Variants in BMAL2 observed in about 807,000 individuals in gnomAD.
BMAL2 encodes the protein basic helix-loop-helix ARNT like 2.
chr12:27,345,593 A>T, the BMAL2 span, among the ~76,000 whole-genome samples: 1 of 152,106 alleles, frequency 6.6e-6, no homozygotes, highest in African/African-American at 2.4e-5. Context: ...GGCTCAAGTG[A>T]TTCTCCTGCA....
chr12:27,373,057 T>C, the BMAL2 span, among the ~76,000 whole-genome samples: 1 of 152,030 alleles, frequency 6.6e-6, no homozygotes, highest in Non-Finnish European at 1.5e-5. Flanking sequence ...AGAATCACCC[T>C]GGAAACAGCA....
At chr12:27,381,585 G>A in the BMAL2 span, among the ~76,000 whole-genome samples, 1 of 152,102 alleles carries the variant, frequency 6.6e-6, no homozygotes, top group Non-Finnish European at 1.5e-5. Flanking sequence ...GCATGATCCA[G>A]TCACCTCCCA....
chr12:27,361,409 G>C, the BMAL2 span, among the ~76,000 whole-genome samples: 56 of 152,068 alleles, frequency 3.7e-4, no homozygotes, highest in Non-Finnish European at 6.8e-4. Flanking sequence ...TTGTAAAAAG[G>C]CAATCACGAT....
chr12:27,333,596 A>G, the BMAL2 span, among the ~76,000 whole-genome samples: 4 of 152,222 alleles, frequency 2.6e-5, no homozygotes, highest in African/African-American at 7.2e-5. Context: ...CTGAGCTGAT[A>G]ATACTCGCGG....
At chr12:27,345,591 T>G in the BMAL2 span, among the ~76,000 whole-genome samples, 1 of 152,186 alleles carries the variant, frequency 6.6e-6, no homozygotes, top group Non-Finnish European at 1.5e-5. Context: ...TGGGCTCAAG[T>G]GATTCTCCTG....
At chr12:27,410,268 T>G in the BMAL2 span, among the ~76,000 whole-genome samples, 114 of 152,334 alleles carry the variant, frequency 7.5e-4, 1 homozygote, top group East Asian at 0.02. Flanking sequence ...GGATTATAAA[T>G]TATGCTGCTT....
chr12:27,401,379 G>A, the BMAL2 span: 2 of 1,592,230 alleles, frequency 1.3e-6, no homozygotes, highest in Non-Finnish European at 1.7e-6. Flanking sequence ...TATGCATTGA[G>A]CAGAATACAT....
At chr12:27,423,397 T>G in the BMAL2 span, 2 of 150,554 alleles carry the variant, frequency 1.3e-5, no homozygotes, top group African/African-American at 4.9e-5. Flanking sequence ...TGGCGCGATC[T>G]TGGCTCACTG....
At chr12:27,376,414 A>G in the BMAL2 span, 3 of 1,609,924 alleles carry the variant, frequency 1.9e-6, no homozygotes, top group South Asian at 1.1e-5. Flanking sequence ...GAGATGGTAC[A>G]TGGTGAGTGG....
chr12:27,407,021 T>C, the BMAL2 span, among the ~76,000 whole-genome samples: 159 of 152,258 alleles, frequency 1.0e-3, no homozygotes, highest in African/African-American at 3.6e-3. Context: ...GGTAAAGGGA[T>C]CAATTCAACA....
At chr12:27,376,085 C>A in the BMAL2 span, among the ~76,000 whole-genome samples, 4 of 152,146 alleles carry the variant, frequency 2.6e-5, no homozygotes, top group African/African-American at 9.7e-5. Context: ...AAGTAGCACA[C>A]TAATTATTGT....
At chr12:27,368,123 A>G in the BMAL2 span, 47,336 of 905,340 alleles carry the variant, frequency 0.052, 817 homozygotes, top group Non-Finnish European at 0.06. Context: ...GATTACAGGC[A>G]TGAGCCACAG....
At chr12:27,404,789 G>A in the BMAL2 span, among the ~76,000 whole-genome samples, 18 of 152,168 alleles carry the variant, frequency 1.2e-4, no homozygotes, top group African/African-American at 2.4e-4. Context: ...AGCGTGAGCC[G>A]AAGCAGGGTG....
chr12:27,389,989 G>C, the BMAL2 span: 1 of 1,380,744 alleles, frequency 7.2e-7, no homozygotes, highest in Non-Finnish European at 1.0e-6. Flanking sequence ...TTAAAAAACT[G>C]TTTCCTTTCT....
the BMAL2 span, among the ~76,000 whole-genome samples, chr12:27,374,493 C>G: frequency 1.1e-4 from 17 of 152,150 alleles, no homozygotes; most frequent in Non-Finnish European, 2.4e-4. Flanking sequence ...GCAGAAGGCT[C>G]TGGAGCCAGT....
chr12:27,412,259 A>G, the BMAL2 span, among the ~76,000 whole-genome samples: 2 of 152,222 alleles, frequency 1.3e-5, no homozygotes, highest in East Asian at 1.9e-4. Flanking sequence ...GGGCATTTAT[A>G]TAAGGAGGCA....
chr12:27,387,253 TTGGA>T, the BMAL2 span: 1 of 1,612,400 alleles, frequency 6.2e-7, no homozygotes, highest in Non-Finnish European at 8.5e-7. Flanking sequence ...TTATTTGTGG[TTGGA>T]TGTGAAAGAG....
chr12:27,360,048 A>AT, the BMAL2 span, among the ~76,000 whole-genome samples: 3 of 78,664 alleles, frequency 3.8e-5, no homozygotes, highest in Admixed American at 1.8e-4. Flanking sequence ...GTGAGACCCT[A>AT]TTTAAAAAAA....
At chr12:27,422,362 A>G in the BMAL2 span, 2 of 152,328 alleles carry the variant, frequency 1.3e-5, no homozygotes, top group East Asian at 3.9e-4. Flanking sequence ...AAAACAAAGC[A>G]TTATTTTGAC....
Sources: allele counts gnomAD v4.1 joint callset (sites outside exome capture counted in the v4.1 genomes callset), GRCh38; gene constraint gnomAD v4.1.1; transcripts MANE v1.5; gene names NCBI Gene and HGNC (gene_info 2026-07-23, HGNC 2026-07-21).